STPG1: variants seen among roughly 807,000 people sequenced by gnomAD.
The protein encoded by STPG1 is sperm tail PG-rich repeat containing 1.
A neutral mutation model predicts 40.1 loss-of-function variants in STPG1; 33 were observed. The observed-to-expected ratio is 0.82, with a 90% CI of 0.62 to 1.10. The LOEUF is 1.10. Ranked by LOEUF, STPG1 falls within the 50% of genes least tolerant of loss-of-function variation. The pLI, the probability that STPG1 is intolerant of heterozygous loss-of-function variation, is 0.00. For missense variants in STPG1, 396 were observed against 415.1 expected (o/e 0.95, Z 0.40); for synonymous variants, 150 against 155.0 (o/e 0.97, Z 0.24).
intron 2 of STPG1, among the ~76,000 whole-genome samples, chr1:24,392,448 C>G (rs1166440883): frequency 6.6e-6 from 1 of 152,188 alleles, no homozygotes; most frequent in African/African-American, 2.4e-5. Flanking sequence ...TTCACCACTC[C>G]CTCATTCCCT....
intron 7 of STPG1, chr1:24,369,463 AT>A: frequency 1.4e-6 from 1 of 692,858 alleles, no homozygotes; most frequent in South Asian, 1.5e-5. Context: ...ATTGAATACA[AT>A]TTTAAGTTCC....
Position 24,388,714 on chromosome 1 carries a change from A to C in STPG1, c.189+2847T>G, listed in dbSNP as rs115307647. 1.8e-3 allele frequency among the ~76,000 whole-genome samples: 268 copies of C among 152,352 alleles called. 1 individual carries two copies. Among genetic ancestry groups the C allele is most frequent in the African/African-American group, 6.2e-3 (256 of 41,580 alleles). ...GGGTGGTGAAGCCCTGGAGTTTTCA[A>C]ATCTGTCTTTAATTTGTATTGCCTC... On this transcript the variant is annotated intron_variant, in intron 3 of 8. Coordinates refer to ENST00000337248, the MANE Select transcript of STPG1 (RefSeq NM_001199013.2).
intron 2 of STPG1, among the ~76,000 whole-genome samples, chr1:24,395,055 G>A (rs1642937104): frequency 6.6e-6 from 1 of 151,640 alleles, no homozygotes; most frequent in Admixed American, 6.6e-5. Context: ...AAAGTGATAA[G>A]AAGAAAATGT....
chr1:24,369,728 G>A lies in STPG1; in HGVS notation c.683C>T (p.Pro228Leu). Residue 228 changes from proline (P) to leucine (L), a missense_variant, in exon 7 of 9, where the codon CCT becomes CTT. Pro to Leu is a moderately conservative substitution (Grantham distance 98, BLOSUM62 -3). Coordinates refer to ENST00000337248, the MANE Select transcript of STPG1 (RefSeq NM_001199013.2). ...GLKLTSTGPG[P>L]GYYNPSDCTK... ...GCAATCACTGGGGTTGTAATAACCAGGTCCCGGGCCTGTTGACGTCAGTTT... is the reference window on the plus strand; with the variant it reads ...GCAATCACTGGGGTTGTAATAACCAAGTCCCGGGCCTGTTGACGTCAGTTT... The A allele has an allele frequency of 6.2e-7, 1 of 1,612,090 alleles. No individual in the cohort carries two copies. The highest frequency in any genetic ancestry group is 1.3e-5 in the African/African-American group (1 of 74,964).
Position 24,379,112 on chromosome 1 carries a change from G to A in STPG1, c.462+541C>T, listed in dbSNP as rs74376979. ...CCCTGGAAAGGTTAAGGGACTTGCCGAAGGCCGCACAGTTAGAAAGTGGCA... is the reference window on the plus strand; with the variant it reads ...CCCTGGAAAGGTTAAGGGACTTGCCAAAGGCCGCACAGTTAGAAAGTGGCA... On this transcript the variant is annotated intron_variant, in intron 5 of 8. Coordinates refer to ENST00000337248, the MANE Select transcript of STPG1 (RefSeq NM_001199013.2). 7.5e-3 allele frequency among the ~76,000 whole-genome samples: 1,138 copies of A among 152,282 alleles called. 14 individuals carry two copies. The highest frequency in any genetic ancestry group is 0.026 in the African/African-American group (1,100 of 41,548).
intron 1 of STPG1, among the ~76,000 whole-genome samples, chr1:24,407,764 A>G: frequency 6.6e-6 from 1 of 152,124 alleles, no homozygotes; most frequent in African/African-American, 2.4e-5. Flanking sequence ...AAGTCTCATC[A>G]GCTGCAAATC....
At position 24,399,973 on chromosome 1, in the gene STPG1, A is replaced by G. The variant is rs1262979714; in HGVS notation, c.70+1346T>C. On this transcript the variant is annotated intron_variant, in intron 2 of 8. Transcript: ENST00000337248. The surrounding 1 kb of genome is among the most constrained non-coding windows in gnomAD (Gnocchi z 4.0). ...TTTGGAAAACTGTTTGGCAATATCA[A>G]CTAAGCTTACCCTAAACATACCCTA... Among the ~76,000 whole-genome samples, 1 of 152,232 alleles carries G rather than the reference A, an allele frequency of 6.6e-6. No individual in the cohort carries two copies. Among genetic ancestry groups the G allele is most frequent in the Non-Finnish European group, 1.5e-5 (1 of 68,030 alleles).
intron 7 of STPG1, chr1:24,369,257 T>C: frequency 2.4e-6 from 1 of 423,920 alleles, no homozygotes; most frequent in Non-Finnish European, 4.8e-6. Flanking sequence ...GATTTTATGT[T>C]ACAAAAATAG....
chr1:24,378,417 C>T (rs1344990621), intron 5 of STPG1, among the ~76,000 whole-genome samples: 4 of 152,098 alleles, frequency 2.6e-5, no homozygotes, highest in South Asian at 2.1e-4. Flanking sequence ...AGGTGGATCA[C>T]GAGATCAGGA....
At chr1:24,361,585 A>G (rs1641120501) in intron 7 of STPG1, among the ~76,000 whole-genome samples, 1 of 152,170 alleles carries the variant, frequency 6.6e-6, no homozygotes, top group African/African-American at 2.4e-5. Flanking sequence ...AGGCCACTGT[A>G]ACATTGACAT....
intron 5 of STPG1, among the ~76,000 whole-genome samples, chr1:24,377,943 T>G (rs1478008843): frequency 6.6e-6 from 1 of 152,214 alleles, no homozygotes; most frequent in Non-Finnish European, 1.5e-5. Context: ...ATGGATTCAC[T>G]TGTGAGTATT....
rs181945790 is a variant in STPG1, at chr1:24,362,512, A to G, written c.738-1471T>C. 8.5e-5 allele frequency among the ~76,000 whole-genome samples: 13 copies of G among 152,330 alleles called. No individual in the cohort carries two copies. The East Asian group carries it at 2.5e-3, about 29-fold the overall frequency. On this transcript the variant is annotated intron_variant, in intron 7 of 8. Transcript: ENST00000337248. ...CAGTATACACAGCATTGCAAGGAAC[A>G]ATGACACTAACTTTATAAAGGAGTT... is the stretch of plus-strand genomic sequence containing the variant.
intron 4 of STPG1, among the ~76,000 whole-genome samples, chr1:24,380,072 T>C (rs1642216290): frequency 6.6e-6 from 1 of 152,228 alleles, no homozygotes; most frequent in African/African-American, 2.4e-5. Context: ...TTGGCAAAAA[T>C]GATTTTGCCA....
intron 6 of STPG1, among the ~76,000 whole-genome samples, chr1:24,370,649 G>A (rs1209046497): frequency 6.6e-6 from 1 of 151,992 alleles, no homozygotes; most frequent in African/African-American, 2.4e-5. Flanking sequence ...CCACCACCAC[G>A]CCTGGCTAAT....
intron 3 of STPG1, chr1:24,391,260 A>C: frequency 5.1e-6 from 1 of 195,032 alleles, no homozygotes; most frequent in Non-Finnish European, 1.0e-5. Context: ...AATTTTTGCA[A>C]TTTTTTAGCT....
chr1:24,364,445 C>A, intron 7 of STPG1: 1 of 1,441,532 alleles, frequency 6.9e-7, no homozygotes, highest in Non-Finnish European at 9.1e-7. Flanking sequence ...GAGTATGTGG[C>A]CCCTGAATAC....
chr1:24,374,257 G>GT lies in STPG1; in HGVS notation c.463-448dup, dbSNP rs1553122570. ...CGCTAGGAAAGTGTTTTTTTTTTTT[G>GT]TTTTTTTTTTTTTTTTTCTGAGACA... is the stretch of plus-strand genomic sequence containing the variant. On this transcript the variant is annotated intron_variant, in intron 5 of 8. Transcript: ENST00000337248. Among the ~76,000 whole-genome samples the GT allele has an allele frequency of 4.6e-3, 288 of 62,104 alleles. 2 individuals are homozygous for GT. The highest frequency in any genetic ancestry group is 5.5e-3 in the Non-Finnish European group (194 of 35,240). 40.7% of individuals were successfully genotyped at this position (62,104 alleles called of 152,430 possible). A position where few individuals can be genotyped will look rare whatever the true frequency, so the allele number is the denominator to read the frequency against.
chr1:24,365,654 T>C (rs972980826), intron 7 of STPG1, among the ~76,000 whole-genome samples: 4 of 152,150 alleles, frequency 2.6e-5, no homozygotes, highest in African/African-American at 9.7e-5. Context: ...CTAGAAACCC[T>C]AGGAAGACAC....
chr1:24,408,148 A>G (rs1277997731), intron 1 of STPG1, among the ~76,000 whole-genome samples: 3 of 152,206 alleles, frequency 2.0e-5, no homozygotes, highest in Non-Finnish European at 2.9e-5. Flanking sequence ...TGACCCTTTC[A>G]AGCTTTTAAA....
Sources: gnomAD v4.1 joint callset for allele counts (sites outside exome capture counted in the v4.1 genomes callset) on GRCh38, gnomAD v4.1.1 for gene constraint, Gnocchi (gnomAD v3.1) non-coding constraint, MANE v1.5 for transcripts, NCBI Gene and HGNC (gene_info 2026-07-23, HGNC 2026-07-21) for gene names.